The following SPMAP2L variants were observed in gnomAD, a reference collection of about 807,000 sequenced individuals.
SPMAP2L encodes sperm microtubule associated protein 2 like.
the SPMAP2L span, among the ~76,000 whole-genome samples, chr4:56,564,864 C>A: frequency 6.6e-6 from 1 of 152,004 alleles, no homozygotes; most frequent in South Asian, 2.1e-4. Context: ...ATATTTGTGC[C>A]TTAATTTTCA....
the SPMAP2L span, among the ~76,000 whole-genome samples, chr4:56,533,086 T>C: frequency 0.45 from 68,021 of 151,988 alleles, 18,073 homozygotes; most frequent in African/African-American, 0.71. Flanking sequence ...ACAATGGAAT[T>C]ACTCCCTTGA....
the SPMAP2L span, chr4:56,584,479 G>A: frequency 6.8e-7 from 1 of 1,468,482 alleles, no homozygotes; most frequent in East Asian, 2.5e-5. Flanking sequence ...AATATTTCAT[G>A]TTTCCATTTG....
chr4:56,547,853 C>T, the SPMAP2L span, among the ~76,000 whole-genome samples: 1 of 152,142 alleles, frequency 6.6e-6, no homozygotes, highest in African/African-American at 2.4e-5. Flanking sequence ...CAAAAAAACC[C>T]AGCTTATAAA....
chr4:56,623,647 C>T, the SPMAP2L span, among the ~76,000 whole-genome samples: 3 of 152,228 alleles, frequency 2.0e-5, no homozygotes, highest in African/African-American at 7.2e-5. Flanking sequence ...CTTTCCTATG[C>T]TATTATCATG....
At chr4:56,590,900 G>A in the SPMAP2L span, among the ~76,000 whole-genome samples, 6 of 152,030 alleles carry the variant, frequency 3.9e-5, no homozygotes, top group Admixed American at 6.5e-5. Context: ...TTGTTGTGTC[G>A]TACAAAGAGG....
the SPMAP2L span, among the ~76,000 whole-genome samples, chr4:56,533,746 A>T: frequency 2.6e-5 from 4 of 151,680 alleles, no homozygotes; most frequent in Non-Finnish European, 5.9e-5. Flanking sequence ...CTGGAATTCA[A>T]AATCAGCCTG....
At chr4:56,584,682 A>T in the SPMAP2L span, 1 of 1,050,760 alleles carries the variant, frequency 9.5e-7, no homozygotes, top group Non-Finnish European at 1.4e-6. Flanking sequence ...CTTTTTCTAG[A>T]TGTGTTTTCC....
At chr4:56,533,595 C>CCT in the SPMAP2L span, among the ~76,000 whole-genome samples, 3 of 152,066 alleles carry the variant, frequency 2.0e-5, no homozygotes, top group Non-Finnish European at 2.9e-5. Context: ...CTAAAATTAG[C>CCT]CTCTCTCTCC....
chr4:56,589,605 T>C, the SPMAP2L span, among the ~76,000 whole-genome samples: 1 of 152,184 alleles, frequency 6.6e-6, no homozygotes, highest in South Asian at 2.1e-4. Context: ...ATCTGTGATT[T>C]CTTTCAGCAG....
chr4:56,573,874 C>A, the SPMAP2L span, among the ~76,000 whole-genome samples: 7 of 152,032 alleles, frequency 4.6e-5, no homozygotes, highest in African/African-American at 1.4e-4. Flanking sequence ...CAGATTGAGG[C>A]TTACAAGACA....
chr4:56,589,398 C>G, the SPMAP2L span, among the ~76,000 whole-genome samples: 1 of 152,108 alleles, frequency 6.6e-6, no homozygotes, highest in Non-Finnish European at 1.5e-5. Flanking sequence ...TTTGCTTAGT[C>G]TTGCTTTGGC....
At chr4:56,543,208 C>T in the SPMAP2L span, among the ~76,000 whole-genome samples, 21 of 151,896 alleles carry the variant, frequency 1.4e-4, no homozygotes, top group South Asian at 3.3e-3. Context: ...CTCAGCCTCC[C>T]GAGTAGCTGG....
At chr4:56,609,702 G>A in the SPMAP2L span, among the ~76,000 whole-genome samples, 4 of 152,232 alleles carry the variant, frequency 2.6e-5, no homozygotes, top group South Asian at 2.1e-4. Flanking sequence ...TCTCATCAGC[G>A]GGATTAGTGT....
chr4:56,613,010 A>G, the SPMAP2L span, among the ~76,000 whole-genome samples: 5 of 152,066 alleles, frequency 3.3e-5, no homozygotes, highest in Non-Finnish European at 7.4e-5. Context: ...GCTCCATCTC[A>G]TCACAGCCAG....
the SPMAP2L span, among the ~76,000 whole-genome samples, chr4:56,591,831 T>C: frequency 9.7e-4 from 148 of 152,364 alleles, 5 homozygotes; most frequent in South Asian, 0.029. Flanking sequence ...TTTCTTCTTA[T>C]TGGCTTTGGC....
chr4:56,607,341 C>T, the SPMAP2L span, among the ~76,000 whole-genome samples: 2 of 152,182 alleles, frequency 1.3e-5, no homozygotes, highest in African/African-American at 4.8e-5. Flanking sequence ...GATACCGAAT[C>T]TATTGGCACC....
the SPMAP2L span, among the ~76,000 whole-genome samples, chr4:56,556,529 A>G: frequency 1.3e-5 from 2 of 152,306 alleles, no homozygotes; most frequent in Admixed American, 6.5e-5. Flanking sequence ...AGACTACTTG[A>G]GAATAACTGG....
At chr4:56,619,870 A>AAAAAACAAAAAC in the SPMAP2L span, among the ~76,000 whole-genome samples, 1 of 152,012 alleles carries the variant, frequency 6.6e-6, no homozygotes, top group African/African-American at 2.4e-5. Flanking sequence ...CTCAATACTA[A>AAAAAACAAAAAC]AAAAACAAAA....
the SPMAP2L span, among the ~76,000 whole-genome samples, chr4:56,583,014 T>C: frequency 2.0e-5 from 3 of 152,222 alleles, no homozygotes; most frequent in African/African-American, 7.2e-5. Context: ...GGCTCACACC[T>C]GTAATCCCAG....
Sources: allele counts gnomAD v4.1 joint callset (sites outside exome capture counted in the v4.1 genomes callset), GRCh38; gene constraint gnomAD v4.1.1; transcripts MANE v1.5; gene names NCBI Gene and HGNC (gene_info 2026-07-23, HGNC 2026-07-21).